The following GAB1 variants were observed in gnomAD, a reference collection of about 807,000 sequenced individuals.
GAB1 encodes GRB2-associated-binding protein 1.
A neutral mutation model predicts 66.5 loss-of-function variants in GAB1; 19 were observed. That is an observed-to-expected ratio of 0.29 (90% CI 0.20 to 0.42). The LOEUF (loss-of-function observed/expected upper bound fraction) is 0.42, where lower values mean the gene tolerates loss of function less well. Ranked by LOEUF, GAB1 falls within the 10% of genes least tolerant of loss-of-function variation. GAB1 has a pLI of 1.00. For synonymous variants in GAB1, 294 were observed against 301.4 expected (o/e 0.98, Z 0.25); for missense variants, 732 against 858.5 (o/e 0.85, Z 1.84).
chr4:143,419,796 T>C (rs571723599), intron 2 of GAB1, among the ~76,000 whole-genome samples: 1 of 152,272 alleles, frequency 6.6e-6, no homozygotes, highest in African/African-American at 2.4e-5. Flanking sequence ...TGTCTTAATA[T>C]ACTGTGTTGA....
At chr4:143,349,079 T>C (rs1429020759) in intron 1 of GAB1, among the ~76,000 whole-genome samples, 3 of 152,240 alleles carry the variant, frequency 2.0e-5, no homozygotes, top group Non-Finnish European at 2.9e-5. Flanking sequence ...GATATTTGCT[T>C]GTTTACTTGC....
At chr4:143,396,719 T>C (rs553978076) in intron 1 of GAB1, among the ~76,000 whole-genome samples, 31 of 152,302 alleles carry the variant, frequency 2.0e-4, no homozygotes, top group African/African-American at 5.8e-4. Context: ...CTTTAATGAA[T>C]GGACTACTTA....
intron 3 of GAB1, among the ~76,000 whole-genome samples, chr4:143,436,256 A>G (rs142008088): frequency 2.0e-5 from 3 of 152,170 alleles, no homozygotes; most frequent in African/African-American, 7.2e-5. Context: ...GTGAGCAAGC[A>G]TGGTGGGAGG....
At chr4:143,380,363 T>C (rs1291867015) in intron 1 of GAB1, among the ~76,000 whole-genome samples, 1 of 152,184 alleles carries the variant, frequency 6.6e-6, no homozygotes, top group African/African-American at 2.4e-5. Context: ...GCAATTCATA[T>C]AACCACAGGC....
At chr4:143,338,943 A>C (rs1728744108) in intron 1 of GAB1, among the ~76,000 whole-genome samples, 1 of 152,238 alleles carries the variant, frequency 6.6e-6, no homozygotes, top group Non-Finnish European at 1.5e-5. Context: ...ACCAACCATA[A>C]GGTCACAAAA....
chr4:143,385,007 C>T (rs1730834505), intron 1 of GAB1, among the ~76,000 whole-genome samples: 1 of 152,132 alleles, frequency 6.6e-6, no homozygotes, highest in African/African-American at 2.4e-5. Context: ...GCCATTGACT[C>T]GTAATAACAC....
rs989356486 is a variant in GAB1 at position 143,396,073 on chromosome 4, T to C, written c.73-19404T>C. On this transcript the variant is annotated intron_variant, in intron 1 of 9. Coordinates refer to ENST00000262994, the MANE Select transcript of GAB1 (RefSeq NM_002039.4). The stretch of plus-strand genomic sequence containing the variant: ...AGTGTAATGGGAGGCTTGGGGAAAG[T>C]TGAAGATCTGATAAAGGTAGTTGGT... 1.4e-4 allele frequency: 62 copies of C among 440,298 alleles called. No homozygotes were observed. The East Asian group carries it at 4.0e-3, about 29-fold the overall frequency. 27.3% of individuals were successfully genotyped at this position (440,298 alleles called of 1,614,324 possible). A position where few individuals can be genotyped will look rare whatever the true frequency, so the allele number is the denominator to read the frequency against.
At position 143,466,161 on chromosome 4, in the gene GAB1, G is replaced by A. The variant is rs1411172198; in HGVS notation, c.1862G>A (p.Gly621Glu). The change falls in exon 9 of 10, where the codon GGA (glycine) becomes GAA (glutamate). Residue 621 changes from glycine to glutamate, a missense_variant. Gly to Glu is a moderately conservative substitution (Grantham distance 98). Transcript: ENST00000262994. ...AGCAGCCCTATGATCAAGCCCAAAGGAGACAAACAGGTGGAATACTTAGAT... is the reference window on the plus strand; with the variant it reads ...AGCAGCCCTATGATCAAGCCCAAAGAAGACAAACAGGTGGAATACTTAGAT... ...GGSSPMIKPK[G>E]DKQVEYLDLD... is the part of the protein sequence containing the mutation. 2.5e-6 allele frequency: 4 copies of A among 1,613,848 alleles called. No homozygotes were observed. The highest frequency in any genetic ancestry group is 2.2e-5 in the East Asian group (1 of 44,848).
At chr4:143,343,891 T>C (rs571103146) in intron 1 of GAB1, among the ~76,000 whole-genome samples, 28 of 152,340 alleles carry the variant, frequency 1.8e-4, no homozygotes, top group African/African-American at 6.7e-4. Flanking sequence ...GGCTGTCAGC[T>C]GTATCTTCTA....
At chr4:143,364,978 T>C (rs528896605) in intron 1 of GAB1, among the ~76,000 whole-genome samples, 8 of 147,978 alleles carry the variant, frequency 5.4e-5, no homozygotes, top group Admixed American at 4.8e-4. Context: ...CCCGGGTTCA[T>C]GCCATTCTCC....
intron 1 of GAB1, among the ~76,000 whole-genome samples, chr4:143,396,952 G>A (rs532478173): frequency 5.9e-5 from 9 of 152,292 alleles, no homozygotes; most frequent in African/African-American, 2.2e-4. Context: ...GAGTGAGTGG[G>A]GGTTAGGTAA....
intron 9 of GAB1, 111 bp downstream of exon 9, chr4:143,466,336 A>T: frequency 9.5e-7 from 1 of 1,052,420 alleles, no homozygotes; most frequent in African/African-American, 1.6e-5. Context: ...ATATAAATTT[A>T]GTCTGGTCTG....
At chr4:143,432,019 G>T (rs1445877236) in intron 2 of GAB1, among the ~76,000 whole-genome samples, 1 of 152,190 alleles carries the variant, frequency 6.6e-6, no homozygotes, top group East Asian at 1.9e-4. Context: ...ATGCAAGGCT[G>T]TGTTAACTGC....
chr4:143,380,609 TAG>T (rs1169904631), intron 1 of GAB1: 4 of 152,320 alleles, frequency 2.6e-5, no homozygotes, highest in Admixed American at 1.3e-4. Context: ...TCTTTGTTAA[TAG>T]AGTCTCACTG....
chr4:143,459,353 C>CT, intron 6 of GAB1, 32 bp from the exon 7 acceptor site: 1 of 1,302,586 alleles, frequency 7.7e-7, no homozygotes, highest in Non-Finnish European at 1.1e-6. Flanking sequence ...GTTCTGTATA[C>CT]TAAAAATCTC....
intron 1 of GAB1, among the ~76,000 whole-genome samples, chr4:143,342,783 G>A (rs1372549167): frequency 6.6e-6 from 1 of 151,280 alleles, no homozygotes; most frequent in African/African-American, 2.4e-5. Context: ...GGCTGGTCTC[G>A]AACTCCTGAC....
Position 143,336,918 on chromosome 4 carries a change from A to G in GAB1, c.-271A>G. 1 of 460,358 alleles carries G rather than the reference A, an allele frequency of 2.2e-6. No individual in the cohort carries two copies. The allele number at this position is 460,358 out of a possible 1,614,324, so 28.5% of individuals were successfully genotyped here. A position where few individuals can be genotyped will look rare whatever the true frequency, so the allele number is the denominator to read the frequency against. On this transcript the variant is annotated 5_prime_UTR_variant, in exon 1 of 10. Transcript: ENST00000262994. ...GAGCGCTGCTGAGGCAGCTGGCGAG[A>G]CGGCACGTCTGGAGGCGAGGCGGGC... is the stretch of plus-strand genomic sequence containing the variant.
chr4:143,343,692 G>A lies in GAB1; in HGVS notation c.72+6432G>A, dbSNP rs560663456. Among the ~76,000 whole-genome samples the A allele has an allele frequency of 2.0e-5, 3 of 152,266 alleles. No homozygotes were observed. In the South Asian group the frequency reaches 6.2e-4, roughly 32 times the overall value. ...GTGAGAACAGGGGATGCAGGGGTAC[G>A]AGATGCCAGGGAAGACTCCGCAAAT... On this transcript the variant is annotated intron_variant, in intron 1 of 9. Transcript: ENST00000262994.
At chr4:143,423,065 G>A (rs953145273) in intron 2 of GAB1, among the ~76,000 whole-genome samples, 2 of 152,134 alleles carry the variant, frequency 1.3e-5, no homozygotes, top group Non-Finnish European at 2.9e-5. Context: ...TTATAAAGTA[G>A]AACAGAAGTT....
Sources: allele counts gnomAD v4.1 joint callset (sites outside exome capture counted in the v4.1 genomes callset), GRCh38; gene constraint gnomAD v4.1.1; transcripts MANE v1.5; gene names NCBI Gene and HGNC (gene_info 2026-07-23, HGNC 2026-07-21).